Variants in RBFA observed in about 807,000 individuals in gnomAD.
RBFA encodes the protein putative ribosome-binding factor A, mitochondrial.
RBFA carries 16 observed loss-of-function variants against 27.9 expected under a neutral mutation model. That is an observed-to-expected ratio of 0.57 (90% CI 0.39 to 0.87). The LOEUF (loss-of-function observed/expected upper bound fraction) is 0.87, where lower values mean the gene tolerates loss of function less well. Among genes scored for constraint, RBFA ranks in the 40% least tolerant of loss-of-function variants. RBFA has a pLI of 0.00. For missense variants in RBFA, 456 were observed against 432.1 expected, an observed-to-expected ratio of 1.06 and a Z score of -0.49; for synonymous variants, 181 against 181.0, an observed-to-expected ratio of 1.00 and a Z score of 0.00.
chr18:80,040,540 G>C (rs142809522), intron 4 of RBFA, among the ~76,000 whole-genome samples: 1 of 152,068 alleles, frequency 6.6e-6, no homozygotes, highest in Non-Finnish European at 1.5e-5. Context: ...GAGCTACTGC[G>C]CTGGCTCTTC....
At chr18:80,045,103 T>C (rs2052041952) in intron 6 of RBFA, among the ~76,000 whole-genome samples, 1 of 152,228 alleles carries the variant, frequency 6.6e-6, no homozygotes, top group Non-Finnish European at 1.5e-5. Flanking sequence ...GACTAGGTGC[T>C]GTTCACCAAG....
In RBFA at chr18:80,046,097, CAG is replaced by C; in HGVS notation, c.981_982del (p.Gly328ArgfsTer64). 2 of 1,614,072 alleles carry C rather than the reference CAG, an allele frequency of 1.2e-6. No individual in the cohort carries two copies. The highest frequency in any genetic ancestry group is 1.7e-6 in the Non-Finnish European group (2 of 1,180,024). ...GCCCCGGACACAGAGGAGTTGGAGG[CAG>C]AGAGAGGAGGTGGCAGAACAGAGGA... On this transcript the variant is annotated frameshift_variant, in exon 7 of 7. Transcript: ENST00000306735. LOFTEE classifies it low-confidence loss of function (END_TRUNC).
rs1599763599 is a variant in RBFA, at chr18:80,034,679, G to C, written c.158+26G>C. 2.5e-6 allele frequency: 4 copies of C among 1,605,336 alleles called. No homozygotes were observed. The East Asian group carries it at 9.1e-5, about 37-fold the overall frequency. On this transcript the variant is annotated intron_variant, in intron 1 of 6. Coordinates refer to ENST00000306735, the MANE Select transcript of RBFA (RefSeq NM_024805.3). ...GTAATGCGGCGGGGGCGGTGTCCCT[G>C]GGCGCGGTATTCCCTAGGGGGCGGT...
chr18:80,044,141 A>G (rs576812721), intron 5 of RBFA, 71 bp from the exon 6 acceptor site: 1 of 1,266,014 alleles, frequency 7.9e-7, no homozygotes, highest in African/African-American at 1.5e-5. Context: ...TGCTGGTGTT[A>G]CGTGGAGCCC....
chr18:80,039,647 G>A lies in RBFA; in HGVS notation c.491+1030G>A, dbSNP rs182758187. Among the ~76,000 whole-genome samples, 16 of 152,352 alleles carry A rather than the reference G, an allele frequency of 1.1e-4. No individual in the cohort carries two copies. The East Asian group carries it at 3.1e-3, about 29-fold the overall frequency. The stretch of plus-strand genomic sequence containing the variant: ...AGGAAACTTGTATTCACCACTGTGA[G>A]CTTGACAACTTCTAGGTACTTGAGA... On this transcript the variant is annotated intron_variant, in intron 4 of 6. Coordinates refer to ENST00000306735, the MANE Select transcript of RBFA (RefSeq NM_024805.3).
intron 2 of RBFA, chr18:80,037,121 CA>C: frequency 2.1e-6 from 1 of 487,252 alleles, no homozygotes; most frequent in Non-Finnish European, 3.6e-6. Context: ...TATTTACTGG[CA>C]GTACTTTTAA....
At chr18:80,045,309 G>A (rs577900039) in intron 6 of RBFA, among the ~76,000 whole-genome samples, 7 of 148,882 alleles carry the variant, frequency 4.7e-5, no homozygotes, top group Non-Finnish European at 7.4e-5. Context: ...TCACTGCAAT[G>A]TCTGCCTCTT....
chr18:80,042,302 C>G, intron 5 of RBFA, 83 bp downstream of exon 5: 1 of 844,308 alleles, frequency 1.2e-6, no homozygotes, highest in Non-Finnish European at 1.7e-6. Flanking sequence ...ATTGTCCAGG[C>G]TAGTCTTGAA....
In RBFA at chr18:80,038,377, A is replaced by G. The variant is rs561042649; in HGVS notation, c.379-128A>G. The G allele has an allele frequency of 1.8e-4, 118 of 651,852 alleles. No homozygotes were observed. In the African/African-American group the frequency reaches 2.0e-3, roughly 11 times the overall value. 40.4% of individuals were successfully genotyped at this position (651,852 alleles called of 1,614,324 possible). On this transcript the variant is annotated intron_variant, in intron 3 of 6. Transcript: ENST00000306735. ...GGTGCGGCAGCAGGAGGTGGCCTCC[A>G]GCAGCATGCCAGAGCCCTGGCTTGG...
At chr18:80,036,232 C>T (rs1299607842) in intron 1 of RBFA, among the ~76,000 whole-genome samples, 1 of 152,172 alleles carries the variant, frequency 6.6e-6, no homozygotes. Context: ...AGCCTCCTCT[C>T]CTTGCTGATC....
At chr18:80,041,453 G>A (rs1356527515) in intron 4 of RBFA, 1 of 152,172 alleles carries the variant, frequency 6.6e-6, no homozygotes, top group Non-Finnish European at 1.5e-5. Context: ...TAATATCTGG[G>A]AACCTGAGGG....
intron 6 of RBFA, 128 bp from the exon 7 acceptor site, chr18:80,045,646 A>G: frequency 9.0e-7 from 1 of 1,106,290 alleles, no homozygotes; most frequent in South Asian, 2.7e-5. Flanking sequence ...TTACCCTCAG[A>G]TAGACGTTTG....
intron 2 of RBFA, 77 bp downstream of exon 2, chr18:80,036,787 G>T (rs1458158669): frequency 9.3e-7 from 1 of 1,069,814 alleles, no homozygotes; most frequent in Admixed American, 1.9e-5. Flanking sequence ...CTTACCTGGA[G>T]GTCTTTCCAT....
In RBFA at chr18:80,037,474, G is replaced by A. The variant is rs761596242; in HGVS notation, c.346G>A (p.Glu116Lys). Residue 116 changes from glutamate (E) to lysine (K), a missense_variant, in exon 3 of 7, where the codon GAG (glutamate) becomes AAG (lysine). Glu to Lys is a moderately conservative substitution (Grantham distance 56). Coordinates refer to ENST00000306735, the MANE Select transcript of RBFA (RefSeq NM_024805.3). ...DLLCTPEVSQ[E>K]LYDLNVELSK... Reference sequence around the variant, plus strand: ...GCTGTGTACCCCTGAAGTGAGTCAGGAGCTGTATGACCTTAACGTGGAGCT... The same window carrying A: ...GCTGTGTACCCCTGAAGTGAGTCAGAAGCTGTATGACCTTAACGTGGAGCT... 6.2e-7 allele frequency: 1 copy of A among 1,613,938 alleles called. No individual in the cohort carries two copies. Among genetic ancestry groups the A allele is most frequent in the East Asian group, 2.2e-5 (1 of 44,882 alleles).
chr18:80,044,923 C>A (rs1431025598), intron 6 of RBFA, among the ~76,000 whole-genome samples: 2 of 152,230 alleles, frequency 1.3e-5, no homozygotes, highest in Non-Finnish European at 2.9e-5. Context: ...GTTTAACCAG[C>A]CTGCCAGGTG....
At chr18:80,044,749 A>G (rs1465601519) in intron 6 of RBFA, among the ~76,000 whole-genome samples, 1 of 152,248 alleles carries the variant, frequency 6.6e-6, no homozygotes, top group Non-Finnish European at 1.5e-5. Context: ...CTGTGCATGT[A>G]CACACACATA....
Position 80,046,416 on chromosome 18 carries a change from GA to G in RBFA, c.*262del. ...AAGAAAATGGTAAAATAGTGTCTCT[GA>G]GATGCTGGCATGGCCACCTCCACCT... On this transcript the variant is annotated 3_prime_UTR_variant, in exon 7 of 7. Transcript: ENST00000306735. 1 of 449,652 alleles carries G rather than the reference GA, an allele frequency of 2.2e-6. No homozygotes were observed. Among genetic ancestry groups the G allele is most frequent in the East Asian group, 4.6e-5 (1 of 21,842 alleles). The allele number at this position is 449,652 out of a possible 1,614,324, so 27.9% of individuals were successfully genotyped here.
At chr18:80,038,774 A>G (rs2051998489) in intron 4 of RBFA, among the ~76,000 whole-genome samples, 157 bp downstream of exon 4, 1 of 152,200 alleles carries the variant, frequency 6.6e-6, no homozygotes, top group Non-Finnish European at 1.5e-5. Context: ...TATAATTTGC[A>G]TTTTTGTATA....
At chr18:80,039,948 C>T (rs550192144) in intron 4 of RBFA, among the ~76,000 whole-genome samples, 5 of 152,242 alleles carry the variant, frequency 3.3e-5, no homozygotes, top group East Asian at 1.9e-4. Context: ...CTTGCTCTGT[C>T]GCCCAGGCTG....
Sources: gnomAD v4.1 joint callset for allele counts (sites outside exome capture counted in the v4.1 genomes callset) on GRCh38, gnomAD v4.1.1 for gene constraint, MANE v1.5 for transcripts, NCBI Gene and HGNC (gene_info 2026-07-23, HGNC 2026-07-21) for gene names.